The following GAA variants were observed in gnomAD, a reference collection of about 807,000 sequenced individuals.
GAA encodes lysosomal alpha-glucosidase.
Under a neutral mutation model 103.9 loss-of-function variants are expected in GAA, and 88 were observed. The observed-to-expected ratio is 0.85, with a 90% CI of 0.71 to 1.01. The LOEUF is 1.01. GAA is among the 50% of genes least tolerant of loss of function. The pLI, the probability that GAA is intolerant of heterozygous loss-of-function variation, is 0.00. For missense variants in GAA, 1,350 were observed against 1,305.3 expected, an observed-to-expected ratio of 1.03 and a Z score of -0.53; for synonymous variants, 572 against 563.1, an observed-to-expected ratio of 1.02 and a Z score of -0.22.
intron 15 of GAA, among the ~76,000 whole-genome samples, chr17:80,115,030 G>T (rs2143908419): frequency 6.6e-6 from 1 of 152,236 alleles, no homozygotes; most frequent in African/African-American, 2.4e-5. Flanking sequence ...GGCCTTTGAA[G>T]TCCCGATGGT....
intron 15 of GAA, among the ~76,000 whole-genome samples, chr17:80,114,520 A>G (rs558617791): frequency 1.3e-5 from 2 of 152,230 alleles, no homozygotes; most frequent in Admixed American, 1.3e-4. Flanking sequence ...AATAGCATAA[A>G]AAAGCTTTGC....
At chr17:80,112,191 G>A in intron 12 of GAA, 91 bp downstream of exon 12, 1 of 1,341,122 alleles carries the variant, frequency 7.5e-7, no homozygotes, top group Non-Finnish European at 1.1e-6. Flanking sequence ...AGGAGGAAAA[G>A]CGGAGGCCCA....
rs1555598802 is a variant in GAA, at chr17:80,104,941, G to T, written c.355G>T (p.Gly119Ter). The T allele has an allele frequency of 6.2e-7, 1 of 1,612,422 alleles. No individual in the cohort carries two copies. The highest frequency in any genetic ancestry group is 8.5e-7 in the Non-Finnish European group (1 of 1,179,802). ...CATCCCTGCAAAGCAGGGGCTGCAG[G>T]GAGCCCAGATGGGGCAGCCCTGGTG... is the stretch of plus-strand genomic sequence containing the variant. ...CYIPAKQGLQ[G>*]AQMGQPWCFF... is the part of the protein sequence containing the mutation. The change falls in exon 2 of 20, where the codon GGA becomes TGA. Residue 119 changes from glycine to a stop codon, truncating the protein, a stop_gained. Coordinates refer to ENST00000302262, the MANE Select transcript of GAA (RefSeq NM_000152.5). LOFTEE classifies it high-confidence loss of function. The surrounding 1 kb of genome is among the most constrained non-coding windows in gnomAD (Gnocchi z 4.0).
chr17:80,112,689 G>A lies in GAA; in HGVS notation c.1866G>A (p.Glu622=). ...HWTGDVWSSW[E]QLASSVPEIL... ...CGGGGGACGTGTGGAGCTCCTGGGA[G>A]CAGCTCGCCTCCTCCGTGCCAGGTG... The change falls in exon 13 of 20, where the codon GAG becomes GAA. Residue 622 remains glutamate (E), a synonymous_variant. Coordinates refer to ENST00000302262, the MANE Select transcript of GAA (RefSeq NM_000152.5). 6.2e-7 allele frequency: 1 copy of A among 1,610,350 alleles called. No homozygotes were observed. Among genetic ancestry groups the A allele is most frequent in the African/African-American group, 1.3e-5 (1 of 74,990 alleles).
chr17:80,105,370 A>G (rs901287939), intron 2 of GAA, among the ~76,000 whole-genome samples: 3 of 152,222 alleles, frequency 2.0e-5, no homozygotes, highest in Non-Finnish European at 2.9e-5. Flanking sequence ...AAGGTGGGTC[A>G]GGTAGAGTAG....
chr17:80,111,748 A>G (rs2039240987), intron 11 of GAA: 2 of 563,470 alleles, frequency 3.5e-6, no homozygotes, highest in African/African-American at 3.8e-5. Context: ...GGGTCTGCAG[A>G]GCCCAGGCTC....
At chr17:80,119,170 T>C (rs1347647201) in intron 19 of GAA, 102 bp from the exon 20 acceptor site, 1 of 1,184,668 alleles carries the variant, frequency 8.4e-7, no homozygotes, top group Non-Finnish European at 1.3e-6. Context: ...CGGGCCTCGC[T>C]GCTGCTGGGA....
At chr17:80,118,891 G>A (rs1176222225) in intron 19 of GAA, 86 bp downstream of exon 19, 2 of 1,498,364 alleles carry the variant, frequency 1.3e-6, no homozygotes, top group Non-Finnish European at 1.8e-6. Flanking sequence ...GGTGACCGAT[G>A]CCAGGAACAG....
In GAA at chr17:80,109,892, C is replaced by T. The variant is rs983482928; in HGVS notation, c.1327-53C>T. 78 of 1,381,510 alleles carry T rather than the reference C, an allele frequency of 5.6e-5. No individual in the cohort carries two copies. The South Asian group carries it at 5.7e-4, about 10-fold the overall frequency. 85.6% of individuals were successfully genotyped at this position (1,381,510 alleles called of 1,614,324 possible). On this transcript the variant is annotated intron_variant, in intron 8 of 19. Coordinates refer to ENST00000302262, the MANE Select transcript of GAA (RefSeq NM_000152.5). Reference sequence around the variant, plus strand: ...CTCACTGTCTCAGTTTTCCCCGTGGCTGGCGCCAGGGCTCTGGGCCACCCT... The same window carrying T: ...CTCACTGTCTCAGTTTTCCCCGTGGTTGGCGCCAGGGCTCTGGGCCACCCT...
chr17:80,113,159 C>T, intron 14 of GAA, 59 bp from the exon 15 acceptor site: 1 of 1,546,788 alleles, frequency 6.5e-7, no homozygotes, highest in African/African-American at 1.4e-5. Context: ...GAGGCGGGGA[C>T]TCCAGGGGAC....
Position 80,118,742 on chromosome 17 carries a change from G to T in GAA, c.2736G>T (p.Ala912=). 1 of 1,613,326 alleles carries T rather than the reference G, an allele frequency of 6.2e-7. No individual in the cohort carries two copies. The highest frequency in any genetic ancestry group is 1.1e-5 in the South Asian group (1 of 91,082). ...TGACTGTCCTGGGCGTGGCCACGGC[G>T]CCCCAGCAGGTCCTCTCCAACGGTG... ...QKVTVLGVAT[A]PQQVLSNGVP... The change falls in exon 19 of 20, where the codon GCG becomes GCT. Residue 912 remains alanine (A), a synonymous_variant. Transcript: ENST00000302262.
rs886042961 is a variant in GAA, at chr17:80,108,713, A to T, written c.1211A>T (p.Asp404Val). The T allele has an allele frequency of 6.2e-7, 1 of 1,612,640 alleles. No homozygotes were observed. Among genetic ancestry groups the T allele is most frequent in the African/African-American group, 1.3e-5 (1 of 75,040 alleles). The change falls in exon 8 of 20, where the codon GAC becomes GTC. Residue 404 changes from aspartate to valine, a missense_variant. Physicochemically the swap from Asp to Val is radical, Grantham distance 152 (BLOSUM62 -3). Coordinates refer to ENST00000302262, the MANE Select transcript of GAA (RefSeq NM_000152.5). ...AHFPLDVQWN[D>V]LDYMDSRRDF... ...TGGCTGCAGGACGTCCAGTGGAACG[A>T]CCTGGACTACATGGACTCCCGGAGG...
Position 80,114,574 on chromosome 17 carries a change from A to G in GAA, c.2189+1208A>G, listed in dbSNP as rs72850847. Among the ~76,000 whole-genome samples, 1 of 152,166 alleles carries G rather than the reference A, an allele frequency of 6.6e-6. No homozygotes were observed. The highest frequency in any genetic ancestry group is 1.5e-5 in the Non-Finnish European group (1 of 68,004). On this transcript the variant is annotated intron_variant, in intron 15 of 19. Coordinates refer to ENST00000302262, the MANE Select transcript of GAA (RefSeq NM_000152.5). ...GCCTCTCGTTCCTCTGTGCTGTTAC[A>G]CGTCTGTATCCATGATGAGCCCATC...
Position 80,118,342 on chromosome 17 carries a change from C to T in GAA, c.2631C>T (p.Ile877=), listed in dbSNP as rs1403859329. The change falls in exon 18 of 20, where the codon ATC becomes ATT. Residue 877 remains isoleucine (I), a synonymous_variant. Transcript: ENST00000302262. ...VLERGAYTQV[I]FLARNNTIVN... The stretch of plus-strand genomic sequence containing the variant: ...AGCGAGGGGCCTACACACAGGTCAT[C>T]TTCCTGGCCAGGAATGTGAGTCCTG... 6.4e-7 allele frequency: 1 copy of T among 1,564,960 alleles called. No individual in the cohort carries two copies.
chr17:80,104,843 C>A lies in GAA; in HGVS notation c.257C>A (p.Pro86His), dbSNP rs2229222. 5 of 1,612,758 alleles carry A rather than the reference C, an allele frequency of 3.1e-6. No homozygotes were observed. Among genetic ancestry groups the A allele is most frequent in the African/African-American group, 2.7e-5 (2 of 74,930 alleles). Residue 86 changes from proline (P) to histidine (H), a missense_variant, in exon 2 of 20, where the codon CCC becomes CAC. Coordinates refer to ENST00000302262, the MANE Select transcript of GAA (RefSeq NM_000152.5). The surrounding 1 kb of genome is among the most constrained non-coding windows in gnomAD (Gnocchi z 4.0). The part of the protein sequence containing the change: ...RAVPTQCDVP[P>H]NSRFDCAPDK... ...GTGCCCACACAGTGCGACGTCCCCC[C>A]CAACAGCCGCTTCGATTGCGCCCCT... is the stretch of plus-strand genomic sequence containing the variant.
In GAA at chr17:80,108,557, G is replaced by T; in HGVS notation, c.1144G>T (p.Ala382Ser). The T allele has an allele frequency of 6.2e-7, 1 of 1,612,716 alleles. No individual in the cohort carries two copies. Among genetic ancestry groups the T allele is most frequent in the Non-Finnish European group, 8.5e-7 (1 of 1,179,784 alleles). ...HLCRWGYSST[A>S]ITRQVVENMT... The stretch of plus-strand genomic sequence containing the variant: ...GTGCCGCTGGGGCTACTCCTCCACC[G>T]CTATCACCCGCCAGGTGGTGGAGAA... The change falls in exon 7 of 20, where the codon GCT becomes TCT. Residue 382 changes from alanine to serine, a missense_variant. By Grantham distance (99) the Ala-to-Ser change is moderately conservative. Coordinates refer to ENST00000302262, the MANE Select transcript of GAA (RefSeq NM_000152.5).
chr17:80,110,436 G>T (rs1005030593), intron 9 of GAA, among the ~76,000 whole-genome samples: 7 of 152,202 alleles, frequency 4.6e-5, no homozygotes, highest in African/African-American at 1.7e-4. Flanking sequence ...GCACGGGGCC[G>T]TCTCCGCTGC....
At chr17:80,117,195 G>C (rs1405201923) in intron 16 of GAA, 86 bp downstream of exon 16, 2 of 1,469,756 alleles carry the variant, frequency 1.4e-6, no homozygotes, top group African/African-American at 2.8e-5. Context: ...GGTGTGACCA[G>C]GTGGCGGAAA....
chr17:80,106,367 G>A (rs922226738), intron 3 of GAA, among the ~76,000 whole-genome samples: 17 of 27,622 alleles, frequency 6.2e-4, no homozygotes, highest in African/African-American at 1.2e-3. Flanking sequence ...CAGAGAGCAC[G>A]CTAGAAGCCA....
Sources: gnomAD v4.1 joint callset for allele counts (sites outside exome capture counted in the v4.1 genomes callset) on GRCh38, gnomAD v4.1.1 for gene constraint, Gnocchi (gnomAD v3.1) non-coding constraint, MANE v1.5 for transcripts, NCBI Gene and HGNC (gene_info 2026-07-23, HGNC 2026-07-21) for gene names.